Variants in BPIFC observed in about 807,000 individuals in gnomAD.
The protein encoded by BPIFC is BPI fold-containing family C protein.
BPIFC carries 60 observed loss-of-function variants against 57.6 expected under a neutral mutation model. The ratio of observed to expected loss-of-function variants is 1.04; its 90% CI spans 0.85 to 1.29. The LOEUF (loss-of-function observed/expected upper bound fraction) is 1.29. Ranked by LOEUF, BPIFC falls within the 50% of genes most tolerant of loss-of-function variation. The probability of loss-of-function intolerance (pLI) is 0.00; values close to 1 mark genes in which losing one functional copy is unlikely to be tolerated. For synonymous variants in BPIFC, 243 were observed against 224.5 expected, an observed-to-expected ratio of 1.08 and a Z score of -0.74; for missense variants, 581 against 600.5, an observed-to-expected ratio of 0.97 and a Z score of 0.34.
intron 7 of BPIFC, among the ~76,000 whole-genome samples, chr22:32,443,410 G>T (rs1423484434): frequency 6.6e-6 from 1 of 152,068 alleles, no homozygotes; most frequent in Non-Finnish European, 1.5e-5. Context: ...TGATTCACCC[G>T]CCTCGGCCTC....
chr22:32,426,329 T>A (rs1457793831), intron 13 of BPIFC, among the ~76,000 whole-genome samples: 1 of 151,826 alleles, frequency 6.6e-6, no homozygotes, highest in Non-Finnish European at 1.5e-5. Context: ...AGCCCAGGAG[T>A]GGAGGAGCCA....
At chr22:32,462,262 AAGAC>A (rs1333801620) in intron 1 of BPIFC, among the ~76,000 whole-genome samples, 4 of 151,908 alleles carry the variant, frequency 2.6e-5, no homozygotes, top group Non-Finnish European at 5.9e-5. Context: ...AAAGAATGTT[AAGAC>A]CAAAATGTCT....
At chr22:32,415,782 A>G in intron 16 of BPIFC, 133 bp downstream of exon 16, 1 of 577,252 alleles carries the variant, frequency 1.7e-6, no homozygotes, top group Non-Finnish European at 2.9e-6. Flanking sequence ...CATGTTTATA[A>G]GATTCCCTGG....
At position 32,435,866 on chromosome 22, in the gene BPIFC, T is replaced by C. The variant is rs140689499; in HGVS notation, c.762A>G (p.Pro254=). 43 of 1,613,706 alleles carry C rather than the reference T, an allele frequency of 2.7e-5. No homozygotes were observed. The highest frequency in any genetic ancestry group is 3.4e-5 in the Non-Finnish European group (40 of 1,179,874). The change falls in exon 10 of 17, where the codon CCA becomes CCG. Residue 254 remains proline, a synonymous_variant. Transcript: ENST00000300399. ...LDLNLKGVFY[P]LENLTDPPFS... is the part of the protein sequence containing the mutation. Reference sequence around the variant, plus strand: ...AGGGGGGGTCGGTGAGGTTTTCCAGTGGGTAGAATACACCCTGTGGGAAAA... The same window carrying C: ...AGGGGGGGTCGGTGAGGTTTTCCAGCGGGTAGAATACACCCTGTGGGAAAA...
chr22:32,462,484 AC>A (rs762857700), intron 1 of BPIFC, among the ~76,000 whole-genome samples: 3 of 152,224 alleles, frequency 2.0e-5, no homozygotes, highest in African/African-American at 7.2e-5. Flanking sequence ...AGTGAAAAAA[AC>A]ATAATAAACC....
intron 13 of BPIFC, among the ~76,000 whole-genome samples, chr22:32,428,276 CGT>C (rs56020393): frequency 0.22 from 31,620 of 146,356 alleles, 4,498 homozygotes; most frequent in East Asian, 0.5. Flanking sequence ...TGTGCGCGCG[CGT>C]GTGTGTGTGT....
chr22:32,462,842 T>C (rs1392572519), intron 1 of BPIFC, among the ~76,000 whole-genome samples: 1 of 152,224 alleles, frequency 6.6e-6, no homozygotes, highest in African/African-American at 2.4e-5. Flanking sequence ...TGTTTAAAAG[T>C]TACTCAATTT....
chr22:32,441,008 G>A (rs147755740), intron 8 of BPIFC, among the ~76,000 whole-genome samples: 30 of 152,116 alleles, frequency 2.0e-4, no homozygotes, highest in African/African-American at 6.3e-4. Context: ...AGATTAAGAG[G>A]TGGACTTTGC....
chr22:32,428,131 C>T (rs991085548), intron 13 of BPIFC, among the ~76,000 whole-genome samples: 5 of 151,772 alleles, frequency 3.3e-5, no homozygotes, highest in Non-Finnish European at 7.4e-5. Flanking sequence ...TCTTTGGGGA[C>T]CTTTCTTCTG....
intron 12 of BPIFC, 144 bp from the exon 13 acceptor site, chr22:32,431,558 C>A: frequency 1.7e-6 from 1 of 587,496 alleles, no homozygotes; most frequent in South Asian, 2.2e-5. Context: ...ATTGGAAATA[C>A]AGACCTCTGA....
rs188464916 is a variant in BPIFC at position 32,463,007 on chromosome 22, T to C, written c.-88-1346A>G. 2.4e-3 allele frequency among the ~76,000 whole-genome samples: 361 copies of C among 152,354 alleles called. 1 individual carries two copies. The highest frequency in any genetic ancestry group is 8.0e-3 in the African/African-American group (332 of 41,584). ...GACACAACTGGAGTTTTAAATTCCC[T>C]GCCAGCAGTAAAACCTGTTTTCCCT... On this transcript the variant is annotated intron_variant, in intron 1 of 16. Coordinates refer to ENST00000300399, the MANE Select transcript of BPIFC (RefSeq NM_174932.3).
At chr22:32,442,759 A>C in intron 7 of BPIFC, 28 bp from the exon 8 acceptor site, 2 of 1,605,722 alleles carry the variant, frequency 1.2e-6, no homozygotes, top group African/African-American at 1.3e-5. Flanking sequence ...AAAAGAAAAA[A>C]GCAAGTTACC....
chr22:32,442,088 G>A (rs7288758), intron 8 of BPIFC, among the ~76,000 whole-genome samples: 4,252 of 152,294 alleles, frequency 0.028, 210 homozygotes, highest in African/African-American at 0.098. Context: ...AGGGACTGGG[G>A]ACTCCTGGGT....
Position 32,432,482 on chromosome 22 carries a change from G to A in BPIFC, c.1040C>T (p.Pro347Leu). The change falls in exon 12 of 17, where the codon CCC becomes CTC. Residue 347 changes from proline to leucine, a missense_variant. Pro to Leu is a moderately conservative substitution (Grantham distance 98). Coordinates refer to ENST00000300399, the MANE Select transcript of BPIFC (RefSeq NM_174932.3). ...FMVRIMATEP[P>L]IINLQPGNFT... Reference sequence around the variant, plus strand: ...ATTGCCTGGTTGTAGATTGATTATGGGAGGCTCTGTGGCCATGATCCTCAC... The same window carrying A: ...ATTGCCTGGTTGTAGATTGATTATGAGAGGCTCTGTGGCCATGATCCTCAC... The A allele has an allele frequency of 6.2e-7, 1 of 1,614,078 alleles. No individual in the cohort carries two copies. Among genetic ancestry groups the A allele is most frequent in the East Asian group, 2.2e-5 (1 of 44,880 alleles).
chr22:32,424,287 T>C (rs967982754), intron 13 of BPIFC, among the ~76,000 whole-genome samples: 2 of 152,236 alleles, frequency 1.3e-5, no homozygotes, highest in African/African-American at 4.8e-5. Flanking sequence ...GACTGTGCTC[T>C]TAACTAGACA....
At chr22:32,446,074 C>T in intron 5 of BPIFC, 78 bp from the exon 6 acceptor site, 1 of 1,514,956 alleles carries the variant, frequency 6.6e-7, no homozygotes, top group South Asian at 1.2e-5. Context: ...TACCCAGAGA[C>T]TCTAAGCTCC....
At chr22:32,439,221 A>G (rs561818877) in intron 8 of BPIFC, among the ~76,000 whole-genome samples, 3 of 152,234 alleles carry the variant, frequency 2.0e-5, no homozygotes, top group South Asian at 2.1e-4. Flanking sequence ...GCTACTTGGG[A>G]GGCTGAGGCA....
intron 13 of BPIFC, among the ~76,000 whole-genome samples, chr22:32,420,408 A>C (rs1432823405): frequency 2.6e-5 from 4 of 151,988 alleles, no homozygotes; most frequent in Non-Finnish European, 5.9e-5. Flanking sequence ...ATCCCAGTCT[A>C]CTTGACACTA....
chr22:32,452,467 T>C (rs1229427134), intron 4 of BPIFC, among the ~76,000 whole-genome samples: 3 of 151,410 alleles, frequency 2.0e-5, no homozygotes. Context: ...AAACCCCGTC[T>C]CTACTAAAAA....
Sources: allele counts gnomAD v4.1 joint callset (sites outside exome capture counted in the v4.1 genomes callset), GRCh38; gene constraint gnomAD v4.1.1; transcripts MANE v1.5; gene names NCBI Gene and HGNC (gene_info 2026-07-23, HGNC 2026-07-21).